FBXW8: variants seen among roughly 807,000 people sequenced by gnomAD.
The protein encoded by FBXW8 is F-box/WD repeat-containing protein 8.
A neutral mutation model predicts 65.3 loss-of-function variants in FBXW8; 57 were observed. The observed-to-expected ratio is 0.87, with a 90% CI of 0.71 to 1.09. The LOEUF (loss-of-function observed/expected upper bound fraction) is 1.09. FBXW8 is among the 50% of genes least tolerant of loss of function. The probability of loss-of-function intolerance (pLI) is 0.00; values close to 1 mark genes in which losing one functional copy is unlikely to be tolerated. For synonymous variants in FBXW8, 308 were observed against 330.2 expected, an observed-to-expected ratio of 0.93 and a Z score of 0.73; for missense variants, 777 against 814.8, an observed-to-expected ratio of 0.95 and a Z score of 0.57.
intron 5 of FBXW8, chr12:116,977,782 C>G (rs530204364): frequency 2.6e-5 from 4 of 152,378 alleles, no homozygotes; most frequent in African/African-American, 7.2e-5. Context: ...CCTTCTCCAT[C>G]AATCTGTTTT....
chr12:116,912,521 G>T (rs1318556624), intron 1 of FBXW8, among the ~76,000 whole-genome samples: 1 of 147,750 alleles, frequency 6.8e-6, no homozygotes, highest in Non-Finnish European at 1.5e-5. Context: ...TTGCAGTGGC[G>T]CGATCTCGGC....
At chr12:117,007,534 G>A (rs1372307864) in intron 7 of FBXW8, among the ~76,000 whole-genome samples, 4 of 152,148 alleles carry the variant, frequency 2.6e-5, no homozygotes, top group Admixed American at 6.5e-5. Flanking sequence ...TATATACCTG[G>A]TACTTAAAAG....
Position 116,964,702 on chromosome 12 carries a change from C to T in FBXW8, c.683C>T (p.Thr228Ile), listed in dbSNP as rs1335450077. The change falls in exon 5 of 11, where the codon ACA (threonine) becomes ATA (isoleucine). Residue 228 changes from threonine to isoleucine, a missense_variant. Thr to Ile is a moderately conservative substitution (Grantham distance 89, BLOSUM62 -1). Transcript: ENST00000652555. ...AGTGTGTCGTTCTCTTCCAGATATA[C>T]ATCAGGGGATGTGAGAGTGTGGGAC... ...SHDGVVIAGY[T>I]SGDVRVWDTR... is the part of the protein sequence containing the mutation. The T allele has an allele frequency of 1.9e-6, 3 of 1,613,568 alleles. No individual in the cohort carries two copies. The Admixed American group carries it at 5.0e-5, about 27-fold the overall frequency.
intron 7 of FBXW8, among the ~76,000 whole-genome samples, chr12:117,003,383 A>G (rs1953589304): frequency 6.6e-6 from 1 of 152,244 alleles, no homozygotes; most frequent in Non-Finnish European, 1.5e-5. Context: ...GGCATCTGGC[A>G]TCTTCCATGG....
chr12:116,958,688 A>T (rs1348764352), intron 4 of FBXW8, among the ~76,000 whole-genome samples: 1 of 152,230 alleles, frequency 6.6e-6, no homozygotes, highest in Non-Finnish European at 1.5e-5. Flanking sequence ...CACCTCATAC[A>T]GGCTCAGCAT....
In FBXW8 at chr12:116,916,891, T is replaced by TGC. The variant is rs1189488664; in HGVS notation, c.318+5537_318+5538insCG. On this transcript the variant is annotated intron_variant, in intron 1 of 10. Coordinates refer to ENST00000652555, the MANE Select transcript of FBXW8 (RefSeq NM_153348.3). The stretch of plus-strand genomic sequence containing the variant: ...CTTCTAGGGGTTGGCTAATTGTGCG[T>TGC]GTGTGTGTGTGTGTGTGTGTGAGAG... Among the ~76,000 whole-genome samples, 53 of 71,486 alleles carry TGC rather than the reference T, an allele frequency of 7.4e-4. 2 individuals carry two copies. In the Admixed American group the frequency reaches 8.3e-3, roughly 11 times the overall value. The allele number at this position is 71,486 out of a possible 152,430, so 46.9% of individuals were successfully genotyped here.
intron 8 of FBXW8, among the ~76,000 whole-genome samples, chr12:117,022,937 T>C (rs1954135953): frequency 6.6e-6 from 1 of 152,240 alleles, no homozygotes; most frequent in Non-Finnish European, 1.5e-5. Context: ...TGTGCCTCCA[T>C]GGACCCAGCA....
chr12:116,940,121 G>T (rs1262540375), intron 2 of FBXW8, among the ~76,000 whole-genome samples: 1 of 152,202 alleles, frequency 6.6e-6, no homozygotes, highest in Admixed American at 6.5e-5. Context: ...TGACAGTGTG[G>T]TTAAGTGGAT....
At chr12:117,018,520 C>T (rs1312196688) in intron 8 of FBXW8, among the ~76,000 whole-genome samples, 3 of 152,218 alleles carry the variant, frequency 2.0e-5, no homozygotes, top group East Asian at 1.9e-4. Flanking sequence ...GTCAGATGTC[C>T]GAGGCAGATA....
At chr12:116,942,987 C>T (rs541793623) in intron 2 of FBXW8, among the ~76,000 whole-genome samples, 1 of 152,006 alleles carries the variant, frequency 6.6e-6, no homozygotes, top group Admixed American at 6.5e-5. Context: ...TCGTGTTAAC[C>T]AGGATGGTCT....
chr12:117,021,096 C>T (rs977920577), intron 8 of FBXW8, among the ~76,000 whole-genome samples: 2 of 152,206 alleles, frequency 1.3e-5, no homozygotes, highest in Non-Finnish European at 2.9e-5. Flanking sequence ...GAGTACCTAC[C>T]TGTCCATGTC....
chr12:116,964,693 CCAGATATACATCAGGG>C lies in FBXW8; in HGVS notation c.678-3_690del. 6.2e-7 allele frequency: 1 copy of C among 1,613,620 alleles called. No homozygotes were observed. The highest frequency in any genetic ancestry group is 8.5e-7 in the Non-Finnish European group (1 of 1,179,948). The stretch of plus-strand genomic sequence containing the variant: ...TTGGAACCAAGTGTGTCGTTCTCTT[CCAGATATACATCAGGG>C]GATGTGAGAGTGTGGGACACCCGCA... On this transcript the variant is annotated splice_acceptor_variant and splice_polypyrimidine_tract_variant and coding_sequence_variant and intron_variant, in exon 5 of 11. Coordinates refer to ENST00000652555, the MANE Select transcript of FBXW8 (RefSeq NM_153348.3). LOFTEE classifies it high-confidence loss of function.
rs200450471 is a variant in FBXW8, at chr12:117,027,520, G to A, written c.1652+16G>A. 1.2e-4 allele frequency: 196 copies of A among 1,598,872 alleles called. 2 individuals are homozygous for A. In the South Asian group the frequency reaches 1.3e-3, roughly 11 times the overall value. ...CTCACAGGAGGTTAGTGGTGGGGCC[G>A]GGCGAGTAAGAGACCATCTTAGTTT... On this transcript the variant is annotated intron_variant, in intron 10 of 10. Coordinates refer to ENST00000652555, the MANE Select transcript of FBXW8 (RefSeq NM_153348.3).
At position 117,024,186 on chromosome 12, in the gene FBXW8, G is replaced by C; in HGVS notation, c.1407G>C (p.Leu469=). The C allele has an allele frequency of 1.9e-6, 3 of 1,614,182 alleles. No individual in the cohort carries two copies. The highest frequency in any genetic ancestry group is 2.2e-5 in the South Asian group (2 of 91,082). The change falls in exon 9 of 11, where the codon CTG becomes CTC. Residue 469 remains leucine, a synonymous_variant. Coordinates refer to ENST00000652555, the MANE Select transcript of FBXW8 (RefSeq NM_153348.3). Reference sequence around the variant, plus strand: ...ACCTCCGCAGTGGTAACATCGCCCTGTCGCTCTCCGCCCATCAGCTCAGGG... The same window carrying C: ...ACCTCCGCAGTGGTAACATCGCCCTCTCGCTCTCCGCCCATCAGCTCAGGG... The part of the protein sequence containing the change: ...IHDLRSGNIA[L]SLSAHQLRVS...
At chr12:117,009,494 G>T (rs936601103) in intron 7 of FBXW8, among the ~76,000 whole-genome samples, 3 of 152,200 alleles carry the variant, frequency 2.0e-5, no homozygotes, top group Non-Finnish European at 4.4e-5. Context: ...TGGTGTGTTT[G>T]TGTGTGTGTT....
chr12:116,968,479 C>T (rs1174907752), intron 5 of FBXW8, among the ~76,000 whole-genome samples: 4 of 152,164 alleles, frequency 2.6e-5, no homozygotes, highest in African/African-American at 7.2e-5. Context: ...GAGAGTACCC[C>T]GTTTGCACAC....
chr12:116,960,600 C>T (rs1883922000), intron 4 of FBXW8, among the ~76,000 whole-genome samples: 1 of 152,176 alleles, frequency 6.6e-6, no homozygotes, highest in Non-Finnish European at 1.5e-5. Context: ...CAGTCTAATG[C>T]ACATCAGTGT....
chr12:116,947,717 C>T (rs1382603508), intron 3 of FBXW8, among the ~76,000 whole-genome samples: 16 of 129,594 alleles, frequency 1.2e-4, no homozygotes, highest in African/African-American at 2.0e-4. Flanking sequence ...CCAGCCTGGG[C>T]GACAGAGCGA....
At chr12:116,956,520 G>GGTTTGCA (rs142961562) in intron 4 of FBXW8, among the ~76,000 whole-genome samples, 1,861 of 152,166 alleles carry the variant, frequency 0.012, 35 homozygotes, top group African/African-American at 0.043. Flanking sequence ...AGAGTGAGAG[G>GGTTTGCA]GTTTGCAGTT....
Sources: gnomAD v4.1 joint callset for allele counts (sites outside exome capture counted in the v4.1 genomes callset) on GRCh38, gnomAD v4.1.1 for gene constraint, MANE v1.5 for transcripts, NCBI Gene and HGNC (gene_info 2026-07-23, HGNC 2026-07-21) for gene names.